Variants in EDNRA observed in about 807,000 individuals in gnomAD.
EDNRA encodes endothelin-1 receptor.
Under a neutral mutation model 41.4 loss-of-function variants are expected in EDNRA, and 11 were observed. That is an observed-to-expected ratio of 0.27 (90% CI 0.17 to 0.44). The LOEUF is 0.44. Among genes scored for constraint, EDNRA ranks in the 20% least tolerant of loss-of-function variants. The pLI, the probability that EDNRA is intolerant of heterozygous loss-of-function variation, is 1.00. For synonymous variants in EDNRA, 172 were observed against 183.0 expected, an observed-to-expected ratio of 0.94 and a Z score of 0.49; for missense variants, 294 against 531.0, an observed-to-expected ratio of 0.55 and a Z score of 4.39.
chr4:147,527,924 T>C (rs963449900), intron 3 of EDNRA, among the ~76,000 whole-genome samples: 34 of 152,274 alleles, frequency 2.2e-4, no homozygotes, highest in Non-Finnish European at 2.6e-4. Context: ...CTGGAACATA[T>C]GGGGCAGAAA....
intron 1 of EDNRA, among the ~76,000 whole-genome samples, chr4:147,484,037 A>G (rs1411035622): frequency 6.6e-6 from 1 of 152,116 alleles, no homozygotes; most frequent in Admixed American, 6.5e-5. Context: ...CAATTTTTTT[A>G]AGATTAAATT....
At chr4:147,533,657 T>A (rs2126476756) in intron 4 of EDNRA, among the ~76,000 whole-genome samples, 1 of 152,332 alleles carries the variant, frequency 6.6e-6, no homozygotes, top group South Asian at 2.1e-4. Context: ...AATTGAAGTT[T>A]CTTACTGGGT....
chr4:147,541,307 C>T (rs1731096539), intron 7 of EDNRA, among the ~76,000 whole-genome samples: 1 of 152,154 alleles, frequency 6.6e-6, no homozygotes, highest in South Asian at 2.1e-4. Flanking sequence ...TTCCTGAAAT[C>T]ATTTTAGCAT....
chr4:147,496,677 A>G (rs1578780853), intron 2 of EDNRA, among the ~76,000 whole-genome samples: 1 of 152,324 alleles, frequency 6.6e-6, no homozygotes, highest in South Asian at 2.1e-4. Flanking sequence ...ATGGAATCCT[A>G]TGATGCCTGT....
Position 147,485,645 on chromosome 4 carries a change from A to T in EDNRA, c.-37A>T. The T allele has an allele frequency of 6.5e-7, 1 of 1,534,212 alleles. No individual in the cohort carries two copies. The highest frequency in any genetic ancestry group is 8.8e-7 in the Non-Finnish European group (1 of 1,141,612). On this transcript the variant is annotated 5_prime_UTR_variant, in exon 2 of 8. In the 5' UTR this introduces an upstream ATG that the reference lacks. Transcript: ENST00000651419. Reference sequence around the variant, plus strand: ...AAAGTGAAGGTGTAAAAGCAGCACAAGTGCAATAAGAGATATTTCCTCAAA... The same window carrying T: ...AAAGTGAAGGTGTAAAAGCAGCACATGTGCAATAAGAGATATTTCCTCAAA...
At chr4:147,482,784 C>T (rs1429596997) in intron 1 of EDNRA, among the ~76,000 whole-genome samples, 1 of 152,124 alleles carries the variant, frequency 6.6e-6, no homozygotes, top group African/African-American at 2.4e-5. Flanking sequence ...TACCTCCTGG[C>T]ATAATCAGCT....
At chr4:147,535,167 G>C (rs1274219659) in intron 4 of EDNRA, among the ~76,000 whole-genome samples, 1 of 152,128 alleles carries the variant, frequency 6.6e-6, no homozygotes, top group Admixed American at 6.5e-5. Flanking sequence ...AGGGTATTAA[G>C]TTTTCTTCTT....
intron 2 of EDNRA, chr4:147,491,563 T>G (rs947651600): frequency 8.6e-5 from 13 of 151,830 alleles, no homozygotes; most frequent in Non-Finnish European, 1.5e-5. Flanking sequence ...AAAATGATGA[T>G]GAAGGTGGGG....
chr4:147,501,988 T>C (rs1729532032), intron 2 of EDNRA, among the ~76,000 whole-genome samples: 1 of 152,238 alleles, frequency 6.6e-6, no homozygotes, highest in Non-Finnish European at 1.5e-5. Flanking sequence ...GGAGTTCCTA[T>C]TTCCCCATTG....
chr4:147,516,442 T>G (rs1031456969), intron 2 of EDNRA, among the ~76,000 whole-genome samples: 2 of 152,220 alleles, frequency 1.3e-5, no homozygotes, highest in Admixed American at 6.5e-5. Flanking sequence ...AATTTCAAAG[T>G]GAATGTGTTT....
intron 2 of EDNRA, among the ~76,000 whole-genome samples, chr4:147,487,511 G>A (rs1728990089): frequency 1.3e-5 from 2 of 152,098 alleles, no homozygotes; most frequent in South Asian, 2.1e-4. Flanking sequence ...ACTATTCTAA[G>A]AGGTAATATT....
rs758617112 is a variant in EDNRA at position 147,532,650 on chromosome 4, T to C, written c.693T>C (p.Tyr231=). The change falls in exon 4 of 8, where the codon TAT becomes TAC. Residue 231 remains tyrosine, a synonymous_variant. Coordinates refer to ENST00000651419, the MANE Select transcript of EDNRA (RefSeq NM_001957.4). ...GCTTCGTCATGGTACCCTTTGAATA[T>C]AGGGGTGAACAGCATAAAACCTGTA... ...AIGFVMVPFE[Y]RGEQHKTCML... 1.5e-5 allele frequency: 25 copies of C among 1,614,114 alleles called. No homozygotes were observed. The highest frequency in any genetic ancestry group is 5.0e-5 in the Admixed American group (3 of 60,020).
At chr4:147,487,091 G>T (rs1466322293) in intron 2 of EDNRA, among the ~76,000 whole-genome samples, 1 of 151,984 alleles carries the variant, frequency 6.6e-6, no homozygotes, top group Admixed American at 6.6e-5. Context: ...AGAGAAGGGG[G>T]CAAGGCACCA....
chr4:147,521,868 A>G (rs151193560), intron 3 of EDNRA, among the ~76,000 whole-genome samples: 2 of 152,326 alleles, frequency 1.3e-5, no homozygotes, highest in Admixed American at 6.5e-5. Context: ...TGTTCTTCCT[A>G]TATGATTTTT....
intron 2 of EDNRA, chr4:147,493,515 A>G (rs1041674802): frequency 6.6e-6 from 1 of 152,172 alleles, no homozygotes; most frequent in African/African-American, 2.4e-5. Context: ...CTGTTCTAAG[A>G]AATTCCATCA....
chr4:147,487,475 CTTCT>C (rs1728988496), intron 2 of EDNRA, among the ~76,000 whole-genome samples: 1 of 152,056 alleles, frequency 6.6e-6, no homozygotes. Context: ...TTGTTTTTTC[CTTCT>C]ATGTATTATG....
At chr4:147,506,095 C>A (rs536353152) in intron 2 of EDNRA, 11 of 520,688 alleles carry the variant, frequency 2.1e-5, no homozygotes, top group South Asian at 1.5e-4. Context: ...TGGCAGGTTC[C>A]TGAATATTTG....
chr4:147,499,029 T>C (rs1560898322), intron 2 of EDNRA, among the ~76,000 whole-genome samples: 1 of 152,218 alleles, frequency 6.6e-6, no homozygotes, highest in Non-Finnish European at 1.5e-5. Flanking sequence ...CTTGAATAAA[T>C]CACTTGACCT....
intron 2 of EDNRA, among the ~76,000 whole-genome samples, chr4:147,513,176 A>G (rs977891110): frequency 6.6e-6 from 1 of 152,196 alleles, no homozygotes; most frequent in Non-Finnish European, 1.5e-5. Flanking sequence ...AGCTGCCTTG[A>G]TTACAAGGAG....
Sources: allele counts gnomAD v4.1 joint callset (sites outside exome capture counted in the v4.1 genomes callset), GRCh38; gene constraint gnomAD v4.1.1; transcripts MANE v1.5; gene names NCBI Gene and HGNC (gene_info 2026-07-23, HGNC 2026-07-21).